The following MEGF6 variants were observed in gnomAD, a reference collection of about 807,000 sequenced individuals.
MEGF6 encodes the protein multiple EGF like domains 6, also known as multiple epidermal growth factor-like domains protein 6.
A neutral mutation model predicts 207.1 loss-of-function variants in MEGF6; 184 were observed. The observed-to-expected ratio is 0.89, with a 90% CI of 0.79 to 1.00. The LOEUF is 1.00. Ranked by LOEUF, MEGF6 falls within the 50% of genes least tolerant of loss-of-function variation. The pLI is 0.00. For missense variants in MEGF6, 2,282 were observed against 2,202.9 expected (o/e 1.04, Z -0.72); for synonymous variants, 1,038 against 910.0 (o/e 1.14, Z -2.53).
At chr1:3,571,005 G>T (rs1286784592) in intron 4 of MEGF6, among the ~76,000 whole-genome samples, 1 of 152,142 alleles carries the variant, frequency 6.6e-6, no homozygotes, top group Non-Finnish European at 1.5e-5. Context: ...CTCAGCACCA[G>T]CTTGTCTTCA....
chr1:3,514,604 G>C lies in MEGF6; in HGVS notation c.799C>G (p.Arg267Gly). 1 of 1,581,020 alleles carries C rather than the reference G, an allele frequency of 6.3e-7. No homozygotes were observed. Among genetic ancestry groups the C allele is most frequent in the Admixed American group, 1.8e-5 (1 of 56,062 alleles). Residue 267 changes from arginine to glycine, a missense_variant, in exon 7 of 37, where the codon CGC (arginine) becomes GGC (glycine). Arg to Gly is a moderately radical substitution (Grantham distance 125, BLOSUM62 -2). Transcript: ENST00000356575. ...TGATAGCCCACGTGGCACTCACAGC[G>C]GGCGAGGCCCCGGACCACCTGGCAC... is the stretch of plus-strand genomic sequence containing the variant. ...HRCQVVRGLA[R>G]CECHVGYQLA...
At chr1:3,536,740 C>T (rs1318620713) in intron 4 of MEGF6, among the ~76,000 whole-genome samples, 1 of 152,230 alleles carries the variant, frequency 6.6e-6, no homozygotes, top group African/African-American at 2.4e-5. Flanking sequence ...CCTCTCCAAG[C>T]TGGGCGGCCA....
At chr1:3,491,327 C>A (rs1640352722) in intron 35 of MEGF6, among the ~76,000 whole-genome samples, 1 of 152,276 alleles carries the variant, frequency 6.6e-6, no homozygotes, top group African/African-American at 2.4e-5. Flanking sequence ...AATGTCAAGG[C>A]ACTGCCCCCG....
At position 3,557,839 on chromosome 1, in the gene MEGF6, C is replaced by T. The variant is rs1267351729; in HGVS notation, c.481+21986G>A. 3.3e-5 allele frequency among the ~76,000 whole-genome samples: 5 copies of T among 152,308 alleles called. No homozygotes were observed. In the East Asian group the frequency reaches 5.8e-4, roughly 18 times the overall value. On this transcript the variant is annotated intron_variant, in intron 4 of 36. Coordinates refer to ENST00000356575, the MANE Select transcript of MEGF6 (RefSeq NM_001409.4). ...TCGTTTGCACAGGCTCAGGGAAAAC[C>T]GTCTAATCTATGAGGCGCCGTCCGG...
intron 5 of MEGF6, among the ~76,000 whole-genome samples, chr1:3,519,606 C>T (rs903855287): frequency 2.6e-5 from 4 of 152,232 alleles, no homozygotes; most frequent in South Asian, 2.1e-4. Flanking sequence ...ACCAGAGTCC[C>T]GGGAGGGCAG....
chr1:3,601,487 T>G (rs919017314), intron 2 of MEGF6, among the ~76,000 whole-genome samples: 3 of 152,152 alleles, frequency 2.0e-5, no homozygotes, highest in Admixed American at 6.5e-5. Flanking sequence ...ATCTCTTGTT[T>G]TGGGGGCTCA....
chr1:3,578,155 C>T (rs953504455), intron 4 of MEGF6, among the ~76,000 whole-genome samples: 1 of 152,166 alleles, frequency 6.6e-6, no homozygotes, highest in Admixed American at 6.5e-5. Context: ...ACCTCCTCCT[C>T]GCCCTCCCCT....
chr1:3,508,496 T>C, intron 13 of MEGF6, 62 bp downstream of exon 13: 1 of 1,571,948 alleles, frequency 6.4e-7, no homozygotes, highest in East Asian at 2.2e-5. Context: ...CAAAGGGCTG[T>C]CCCCAGGTCT....
chr1:3,507,536 C>G (rs1022942175), intron 14 of MEGF6, among the ~76,000 whole-genome samples: 1 of 152,204 alleles, frequency 6.6e-6, no homozygotes, highest in Admixed American at 6.5e-5. Context: ...TTATCGTCTG[C>G]TACAGTTAGG....
chr1:3,526,724 C>T (rs114476348), intron 4 of MEGF6, among the ~76,000 whole-genome samples: 4,642 of 152,240 alleles, frequency 0.03, 129 homozygotes, highest in East Asian at 0.1. Context: ...ATCCGACAAC[C>T]TCACCCACCC....
chr1:3,610,307 G>A (rs1371144455), intron 1 of MEGF6, among the ~76,000 whole-genome samples: 6 of 152,256 alleles, frequency 3.9e-5, no homozygotes. Context: ...GGGCCCTAGA[G>A]CACCAGGCCC....
At chr1:3,621,672 G>A in the MEGF6 span, among the ~76,000 whole-genome samples, 2 of 152,166 alleles carry the variant, frequency 1.3e-5, no homozygotes, top group Admixed American at 1.3e-4. Context: ...TACGAGAAGG[G>A]GGACACTGTC....
chr1:3,550,697 C>T lies in MEGF6; in HGVS notation c.482-26451G>A, dbSNP rs1369396602. ...CAGGGGCCTAACTCAGCAGCAGTGA[C>T]TGCAATGTCACAAGTGCCCAGCAGC... On this transcript the variant is annotated intron_variant, in intron 4 of 36. Coordinates refer to ENST00000356575, the MANE Select transcript of MEGF6 (RefSeq NM_001409.4). Among the ~76,000 whole-genome samples, 4 of 152,118 alleles carry T rather than the reference C, an allele frequency of 2.6e-5. No individual in the cohort carries two copies. In the East Asian group the frequency reaches 7.7e-4, roughly 29 times the overall value.
chr1:3,504,069 TG>T (rs992542400), intron 17 of MEGF6, among the ~76,000 whole-genome samples: 2 of 151,978 alleles, frequency 1.3e-5, no homozygotes, highest in African/African-American at 2.4e-5. Context: ...GGGCCCATGC[TG>T]GGGGGGCTTG....
In MEGF6 at chr1:3,560,898, AC is replaced by A. The variant is rs1643181623; in HGVS notation, c.481+18926del. 2 of 417,374 alleles carry A rather than the reference AC, an allele frequency of 4.8e-6. No homozygotes were observed. Among genetic ancestry groups the A allele is most frequent in the African/African-American group, 4.3e-5 (2 of 46,504 alleles). 25.9% of individuals were successfully genotyped at this position (417,374 alleles called of 1,614,324 possible). Reference sequence around the variant, plus strand: ...CTACGCGAAGGGGGTGCTGGGCTCTACCCCCAGGCCTCTACTACCCTCTGGC... The same window carrying A: ...CTACGCGAAGGGGGTGCTGGGCTCTACCCCAGGCCTCTACTACCCTCTGGC... On this transcript the variant is annotated intron_variant, in intron 4 of 36. Coordinates refer to ENST00000356575, the MANE Select transcript of MEGF6 (RefSeq NM_001409.4). The surrounding 1 kb of genome is among the most constrained non-coding windows in gnomAD (Gnocchi z 4.0).
intron 4 of MEGF6, among the ~76,000 whole-genome samples, chr1:3,540,241 G>A (rs1211923240): frequency 3.9e-5 from 6 of 152,222 alleles, no homozygotes; most frequent in Non-Finnish European, 7.3e-5. Flanking sequence ...CATTAGAGTC[G>A]GAAATGAAAG....
Position 3,511,997 on chromosome 1 carries a change from C to A in MEGF6, c.976+9G>T. On this transcript the variant is annotated intron_variant, in intron 8 of 36. Transcript: ENST00000356575. Reference sequence around the variant, plus strand: ...GGCACCTTCAGCCTGTTGCCGGCTGCCCACTCACGGTAGCACTGCCGGCCA... The same window carrying A: ...GGCACCTTCAGCCTGTTGCCGGCTGACCACTCACGGTAGCACTGCCGGCCA... 1 of 1,611,918 alleles carries A rather than the reference C, an allele frequency of 6.2e-7. No homozygotes were observed. The highest frequency in any genetic ancestry group is 8.5e-7 in the Non-Finnish European group (1 of 1,179,896).
rs530503258 is a variant in MEGF6, at chr1:3,496,100, T to C, written c.3743-82A>G. The C allele has an allele frequency of 2.7e-5, 39 of 1,430,600 alleles. No homozygotes were observed. The African/African-American group carries it at 4.6e-4, about 17-fold the overall frequency. The allele number at this position is 1,430,600 out of a possible 1,614,324, so 88.6% of individuals were successfully genotyped here. ...ACCCCGGAGTGGGGATAGGACAGGA[T>C]GGGATGGGGTGAGGGGACCCTGGGT... On this transcript the variant is annotated intron_variant, in intron 29 of 36. Transcript: ENST00000356575.
chr1:3,518,055 A>G (rs1324896321), intron 5 of MEGF6, among the ~76,000 whole-genome samples: 1 of 152,176 alleles, frequency 6.6e-6, no homozygotes, highest in Non-Finnish European at 1.5e-5. Flanking sequence ...GTCCTTGTCC[A>G]CTTCCAGATC....
Sources: gnomAD v4.1 joint callset for allele counts (sites outside exome capture counted in the v4.1 genomes callset) on GRCh38, gnomAD v4.1.1 for gene constraint, Gnocchi (gnomAD v3.1) non-coding constraint, MANE v1.5 for transcripts, NCBI Gene and HGNC (gene_info 2026-07-23, HGNC 2026-07-21) for gene names.